NVL: variants seen among roughly 807,000 people sequenced by gnomAD.
The protein encoded by NVL is nuclear valosin-containing protein-like.
Under a neutral mutation model 110.2 loss-of-function variants are expected in NVL, and 84 were observed. The observed-to-expected ratio is 0.76, with a 90% CI of 0.64 to 0.91. The LOEUF is 0.91. Among genes scored for constraint, NVL ranks in the 40% least tolerant of loss-of-function variants. NVL has a pLI of 0.00. For missense variants in NVL, 882 were observed against 1,035.9 expected, an observed-to-expected ratio of 0.85 and a Z score of 2.04; for synonymous variants, 354 against 361.1, an observed-to-expected ratio of 0.98 and a Z score of 0.22.
At chr1:224,260,036 G>A (rs1207555162) in intron 18 of NVL, among the ~76,000 whole-genome samples, 1 of 152,066 alleles carries the variant, frequency 6.6e-6, no homozygotes, top group Non-Finnish European at 1.5e-5. Flanking sequence ...AGTTCTGGCT[G>A]GGCATAACCT....
chr1:224,238,232 G>A (rs779475094), intron 19 of NVL, among the ~76,000 whole-genome samples: 3 of 151,844 alleles, frequency 2.0e-5, no homozygotes, highest in South Asian at 2.1e-4. Context: ...GGGGTTTCAC[G>A]ATGTTGCCCA....
In NVL at chr1:224,275,365, A is replaced by C. The variant is rs770159077; in HGVS notation, c.2056T>G (p.Leu686Val). 6.2e-7 allele frequency: 1 copy of C among 1,614,210 alleles called. No homozygotes were observed. The highest frequency in any genetic ancestry group is 1.1e-5 in the South Asian group (1 of 91,086). Residue 686 changes from leucine (L) to valine (V), a missense_variant, in exon 17 of 23, where the codon TTA becomes GTA. Coordinates refer to ENST00000281701, the MANE Select transcript of NVL (RefSeq NM_002533.4). Reference protein sequence around the residue: ...CVIFFDEVDALCPRRSDRETG... With the variant: ...CVIFFDEVDAVCPRRSDRETG... Reference sequence around the variant, plus strand: ...TCTCGGTCTGATCTTCGAGGACATAAAGCATCCACTTCATCAAAGAATATC... The same window carrying C: ...TCTCGGTCTGATCTTCGAGGACATACAGCATCCACTTCATCAAAGAATATC...
At chr1:224,242,285 G>A (rs2102729350) in intron 19 of NVL, among the ~76,000 whole-genome samples, 1 of 152,132 alleles carries the variant, frequency 6.6e-6, no homozygotes, top group South Asian at 2.1e-4. Flanking sequence ...ACTTAAAAAT[G>A]GCTAAAATGG....
chr1:224,300,499 G>C, intron 10 of NVL, 63 bp downstream of exon 10: 1 of 1,170,940 alleles, frequency 8.5e-7, no homozygotes. Flanking sequence ...ATCAGAAAAA[G>C]CAGGATCTTT....
chr1:224,276,093 T>A (rs1256624877), intron 16 of NVL, among the ~76,000 whole-genome samples: 1 of 152,188 alleles, frequency 6.6e-6, no homozygotes. Flanking sequence ...AAAAGCTACA[T>A]GTAAGGATTA....
intron 14 of NVL, 97 bp from the exon 15 acceptor site, chr1:224,286,227 T>G: frequency 1.0e-6 from 1 of 952,992 alleles, no homozygotes; most frequent in Non-Finnish European, 1.6e-6. Context: ...TTTTTTTTTT[T>G]TTTGAGTCTC....
chr1:224,328,530 G>C (rs948531001), intron 1 of NVL, among the ~76,000 whole-genome samples: 2 of 151,814 alleles, frequency 1.3e-5, no homozygotes, highest in African/African-American at 4.8e-5. Flanking sequence ...TTAGGTAAAA[G>C]CAGAATCAGA....
At chr1:224,291,081 C>T (rs1667334070) in intron 12 of NVL, among the ~76,000 whole-genome samples, 1 of 152,218 alleles carries the variant, frequency 6.6e-6, no homozygotes. Flanking sequence ...AATCTTTGTG[C>T]TTCAGTTTGT....
chr1:224,311,760 A>T, intron 5 of NVL, 40 bp downstream of exon 5: 1 of 1,544,766 alleles, frequency 6.5e-7, no homozygotes, highest in Non-Finnish European at 8.9e-7. Context: ...ACAACTAAAA[A>T]AGAAAAAATC....
chr1:224,325,766 C>T (rs2102804985), intron 2 of NVL, among the ~76,000 whole-genome samples: 1 of 152,278 alleles, frequency 6.6e-6, no homozygotes. Flanking sequence ...TCAGGGAGAT[C>T]ATACCTGCTG....
chr1:224,232,271 T>C (rs1017722769), intron 21 of NVL: 3 of 151,052 alleles, frequency 2.0e-5, no homozygotes, highest in African/African-American at 7.3e-5. Flanking sequence ...GAGAATGGCA[T>C]GAACCCGAGA....
intron 21 of NVL, among the ~76,000 whole-genome samples, chr1:224,232,448 C>T (rs1467595054): frequency 2.0e-5 from 3 of 152,124 alleles, no homozygotes; most frequent in Non-Finnish European, 4.4e-5. Flanking sequence ...GCAATCATAG[C>T]TCATTGCAGC....
intron 10 of NVL, 27 bp from the exon 11 acceptor site, chr1:224,296,645 CA>C (rs1431603792): frequency 7.1e-7 from 1 of 1,408,412 alleles, no homozygotes; most frequent in African/African-American, 1.4e-5. Context: ...CACAAAAAGA[CA>C]ATCATAAATG....
intron 11 of NVL, among the ~76,000 whole-genome samples, chr1:224,295,795 T>C (rs1017964823): frequency 2.0e-5 from 3 of 150,050 alleles, no homozygotes; most frequent in East Asian, 2.0e-4. Flanking sequence ...CTGGCCAACA[T>C]GGAAACACCC....
chr1:224,289,363 T>C, intron 13 of NVL, 121 bp downstream of exon 13: 1 of 964,272 alleles, frequency 1.0e-6, no homozygotes, highest in Non-Finnish European at 1.5e-6. Flanking sequence ...ATAAGTATTC[T>C]ATAGATTAAA....
chr1:224,290,042 C>T (rs902959884), intron 12 of NVL, among the ~76,000 whole-genome samples: 1 of 152,130 alleles, frequency 6.6e-6, no homozygotes, highest in Non-Finnish European at 1.5e-5. Context: ...AGATAAATAA[C>T]TTATGGGGGT....
At chr1:224,261,091 G>C (rs1463973337) in intron 18 of NVL, among the ~76,000 whole-genome samples, 1 of 152,062 alleles carries the variant, frequency 6.6e-6, no homozygotes, top group Middle Eastern at 3.2e-3. Flanking sequence ...GGCCAGGCTG[G>C]TCTCGAACTC....
intron 12 of NVL, among the ~76,000 whole-genome samples, chr1:224,293,974 ATTT>A (rs1276223250): frequency 6.6e-6 from 1 of 152,090 alleles, no homozygotes; most frequent in Non-Finnish European, 1.5e-5. Flanking sequence ...TGCACAGCTG[ATTT>A]TATTTTTTGT....
chr1:224,287,925 T>A lies in NVL; in HGVS notation c.1644A>T (p.Gly548=). 6.2e-7 allele frequency: 1 copy of A among 1,614,018 alleles called. No homozygotes were observed. Among genetic ancestry groups the A allele is most frequent in the Non-Finnish European group, 8.5e-7 (1 of 1,180,008 alleles). ...QDPLSEEQMQ[G]LCIELNDFIV... is the part of the protein sequence containing the mutation. ...TGAAATCATTCAGTTCAATGCACAG[T>A]CCTTGCATCTGCTCCTCTGAGAGGG... The change falls in exon 14 of 23, where the codon GGA becomes GGT. Residue 548 remains glycine (G), a synonymous_variant. Transcript: ENST00000281701.
Sources: gnomAD v4.1 joint callset for allele counts (sites outside exome capture counted in the v4.1 genomes callset) on GRCh38, gnomAD v4.1.1 for gene constraint, MANE v1.5 for transcripts, NCBI Gene and HGNC (gene_info 2026-07-23, HGNC 2026-07-21) for gene names.